Variants in PRKAG2 observed in about 807,000 individuals in gnomAD.
PRKAG2 encodes 5'-AMP-activated protein kinase subunit gamma-2.
In PRKAG2, 26 loss-of-function variants were observed where a neutral mutation model predicts 69.6. The ratio of observed to expected loss-of-function variants is 0.37; its 90% CI spans 0.27 to 0.52. PRKAG2 has a LOEUF of 0.52. PRKAG2 is among the 20% of genes least tolerant of loss of function. PRKAG2 has a pLI of 0.90. For missense variants in PRKAG2, 557 were observed against 740.0 expected (o/e 0.75, Z 2.87); for synonymous variants, 293 against 285.0 (o/e 1.03, Z -0.28).
At chr7:151,665,242 C>T (rs1311336802) in intron 4 of PRKAG2, among the ~76,000 whole-genome samples, 1 of 152,154 alleles carries the variant, frequency 6.6e-6, no homozygotes, top group Non-Finnish European at 1.5e-5. Flanking sequence ...GAAATGACCA[C>T]TGAACAAGTG....
At chr7:151,787,890 G>A (rs1167026619) in intron 1 of PRKAG2, among the ~76,000 whole-genome samples, 2 of 152,154 alleles carry the variant, frequency 1.3e-5, no homozygotes, top group Admixed American at 1.3e-4. Flanking sequence ...TAGAGACACA[G>A]GGAGAAGACA....
chr7:151,794,620 C>T (rs368621029), intron 1 of PRKAG2, among the ~76,000 whole-genome samples: 23 of 152,240 alleles, frequency 1.5e-4, no homozygotes, highest in African/African-American at 1.9e-4. Flanking sequence ...GCGGCTCCCG[C>T]GGAAGCCAGG....
At position 151,855,093 on chromosome 7, in the gene PRKAG2, A is replaced by G. The variant is rs1456490509; in HGVS notation, c.114+21414T>C. ...ACACACACCATCCTCCACACACACC[A>G]TCCTCCACACACACCACCCTACACA... is the stretch of plus-strand genomic sequence containing the variant. On this transcript the variant is annotated intron_variant, in intron 1 of 15. Transcript: ENST00000287878. Among the ~76,000 whole-genome samples, 7 of 32,636 alleles carry G rather than the reference A, an allele frequency of 2.1e-4. 1 individual carries two copies. Among genetic ancestry groups the G allele is most frequent in the South Asian group, 9.0e-4 (1 of 1,110 alleles). 21.4% of individuals were successfully genotyped at this position (32,636 alleles called of 152,430 possible).
rs1322045395 is a variant in PRKAG2, at chr7:151,699,449, C to T, written c.467-23812G>A. Among the ~76,000 whole-genome samples, 1 of 152,216 alleles carries T rather than the reference C, an allele frequency of 6.6e-6. No homozygotes were observed. The highest frequency in any genetic ancestry group is 2.4e-5 in the African/African-American group (1 of 41,450). The stretch of plus-strand genomic sequence containing the variant: ...GCCGTGAATTCACTGGGATTGAGAT[C>T]ATCTCGGCGACTTTATCATGAAGGC... On this transcript the variant is annotated intron_variant, in intron 3 of 15. Transcript: ENST00000287878. This position sits in a 1 kb window ranked among gnomAD's most constrained non-coding sequence, Gnocchi z 4.5.
At chr7:151,817,239 A>G (rs566666897) in intron 1 of PRKAG2, among the ~76,000 whole-genome samples, 23 of 152,328 alleles carry the variant, frequency 1.5e-4, no homozygotes, top group Admixed American at 8.5e-4. Flanking sequence ...TACTTAGCAA[A>G]GCCTGAAGAC....
At position 151,854,983 on chromosome 7, in the gene PRKAG2, G is replaced by GCTCCACACACACCGCC. The variant is rs1563756293; in HGVS notation, c.114+21523_114+21524insGGCGGTGTGTGTGGAG. Among the ~76,000 whole-genome samples the GCTCCACACACACCGCC allele has an allele frequency of 1.5e-3, 18 of 11,796 alleles. 2 individuals carry two copies. Among genetic ancestry groups the GCTCCACACACACCGCC allele is most frequent in the African/African-American group, 3.5e-3 (11 of 3,170 alleles). The allele number at this position is 11,796 out of a possible 152,430, so 7.7% of individuals were successfully genotyped here. A position where few individuals can be genotyped will look rare whatever the true frequency, so the allele number is the denominator to read the frequency against. ...ACATACCACCCTCCACACACACCAT[G>GCTCCACACACACCGCC]CTCCACACACACCATGCTCCACACA... On this transcript the variant is annotated intron_variant, in intron 1 of 15. Transcript: ENST00000287878.
intron 4 of PRKAG2, among the ~76,000 whole-genome samples, chr7:151,655,300 ATAGCCTAT>A (rs910664209): frequency 2.0e-5 from 3 of 152,140 alleles, no homozygotes; most frequent in African/African-American, 7.2e-5. Flanking sequence ...CCTCTTCAAA[ATAGCCTAT>A]TAGATATGAG....
intron 1 of PRKAG2, among the ~76,000 whole-genome samples, chr7:151,844,198 C>T (rs548784302): frequency 6.6e-6 from 1 of 152,268 alleles, no homozygotes; most frequent in Non-Finnish European, 1.5e-5. Context: ...GTGGCAGTGT[C>T]CCTCAGAGAC....
chr7:151,810,408 A>G (rs1460821534), intron 1 of PRKAG2: 1 of 152,276 alleles, frequency 6.6e-6, no homozygotes, highest in Non-Finnish European at 1.5e-5. Context: ...CTCTCCAAGC[A>G]CTAGCAAAAC....
At chr7:151,874,751 G>C (rs1440852616) in intron 1 of PRKAG2, among the ~76,000 whole-genome samples, 1 of 152,190 alleles carries the variant, frequency 6.6e-6, no homozygotes, top group African/African-American at 2.4e-5. Flanking sequence ...AGATGGGTGT[G>C]GTGGCACATG....
chr7:151,771,385 T>C lies in PRKAG2; in HGVS notation c.466+9767A>G, dbSNP rs2076012624. 6.6e-6 allele frequency among the ~76,000 whole-genome samples: 1 copy of C among 152,160 alleles called. No homozygotes were observed. Among genetic ancestry groups the C allele is most frequent in the African/African-American group, 2.4e-5 (1 of 41,426 alleles). On this transcript the variant is annotated intron_variant, in intron 3 of 15. Coordinates refer to ENST00000287878, the MANE Select transcript of PRKAG2 (RefSeq NM_016203.4). The surrounding 1 kb of genome is among the most constrained non-coding windows in gnomAD (Gnocchi z 4.0). ...CATTAAATTGGAGTGAGGCTGGTGG[T>C]GGAATGGGAGGTGGGTGCTTAGGGA...
intron 1 of PRKAG2, among the ~76,000 whole-genome samples, chr7:151,844,056 T>C (rs2079373016): frequency 2.0e-5 from 3 of 152,054 alleles, no homozygotes; most frequent in African/African-American, 7.3e-5. Context: ...AAGGAGGAGA[T>C]AGAAGGAGAT....
chr7:151,752,378 A>G (rs944038944), intron 3 of PRKAG2, among the ~76,000 whole-genome samples: 1 of 152,036 alleles, frequency 6.6e-6, no homozygotes, highest in African/African-American at 2.4e-5. Context: ...AAAGAAAGAA[A>G]CGACAAACAC....
chr7:151,565,285 C>T (rs1037856846), intron 13 of PRKAG2, 61 bp downstream of exon 13: 1 of 1,235,498 alleles, frequency 8.1e-7, no homozygotes. Flanking sequence ...CATAAAAACA[C>T]ATTACATGAA....
intron 3 of PRKAG2, 49 bp from the exon 4 acceptor site, chr7:151,675,686 G>T: frequency 6.5e-7 from 1 of 1,538,462 alleles, no homozygotes. Context: ...TCCAGGAAGG[G>T]ACGTCGGGGG....
chr7:151,666,002 T>A (rs1214776803), intron 4 of PRKAG2, among the ~76,000 whole-genome samples: 1 of 152,178 alleles, frequency 6.6e-6, no homozygotes, highest in Non-Finnish European at 1.5e-5. Flanking sequence ...CAAAAGACAG[T>A]CCATTTTTAA....
intron 4 of PRKAG2, among the ~76,000 whole-genome samples, chr7:151,643,260 G>C (rs1305579467): frequency 6.6e-6 from 1 of 152,178 alleles, no homozygotes; most frequent in Non-Finnish European, 1.5e-5. Context: ...TGCTCACCAA[G>C]TTCATCTAAC....
At chr7:151,578,096 T>C (rs1809423689) in intron 6 of PRKAG2, among the ~76,000 whole-genome samples, 1 of 150,962 alleles carries the variant, frequency 6.6e-6, no homozygotes, top group South Asian at 2.1e-4. Context: ...ATCCTAGCAC[T>C]CTGGGAGGCC....
chr7:151,721,411 C>T (rs1027949257), intron 3 of PRKAG2, among the ~76,000 whole-genome samples: 6 of 151,852 alleles, frequency 4.0e-5, no homozygotes, highest in African/African-American at 7.3e-5. Context: ...GGGCCGGGGC[C>T]GAGGCCAGCA....
Sources: allele counts gnomAD v4.1 joint callset (sites outside exome capture counted in the v4.1 genomes callset), GRCh38; gene constraint gnomAD v4.1.1; non-coding constraint Gnocchi (gnomAD v3.1); transcripts MANE v1.5; gene names NCBI Gene and HGNC (gene_info 2026-07-23, HGNC 2026-07-21).